The following SARAF variants were observed in gnomAD, a reference collection of about 807,000 sequenced individuals.
The protein encoded by SARAF is store-operated calcium entry-associated regulatory factor.
In SARAF, 23 loss-of-function variants were observed where a neutral mutation model predicts 39.7. The ratio of observed to expected loss-of-function variants is 0.58; its 90% confidence interval spans 0.42 to 0.82. The LOEUF is 0.82. Ranked by LOEUF, SARAF falls within the 40% of genes least tolerant of loss-of-function variation. The probability of loss-of-function intolerance (pLI) is 0.00; values close to 1 mark genes in which losing one functional copy is unlikely to be tolerated. For missense variants in SARAF, 384 were observed against 418.5 expected (o/e 0.92, Z 0.72); for synonymous variants, 175 against 168.5 (o/e 1.04, Z -0.30).
intron 5 of SARAF, 83 bp from the exon 6 acceptor site, chr8:30,063,996 T>C (rs900038294): frequency 2.3e-5 from 28 of 1,223,868 alleles, no homozygotes; most frequent in African/African-American, 1.1e-4. Flanking sequence ...TACATGTTTA[T>C]TGTCAGCAAA....
chr8:30,078,523 T>C (rs967128243), intron 1 of SARAF, among the ~76,000 whole-genome samples: 5 of 152,064 alleles, frequency 3.3e-5, no homozygotes, highest in African/African-American at 7.2e-5. Flanking sequence ...CTCAACAGGA[T>C]AGAAAAAGAA....
chr8:30,078,955 G>C lies in SARAF; in HGVS notation c.103+3892C>G, dbSNP rs141980319. Among the ~76,000 whole-genome samples, 526 of 152,070 alleles carry C rather than the reference G, an allele frequency of 3.5e-3. 3 individuals carry two copies. Among genetic ancestry groups the C allele is most frequent in the African/African-American group, 0.012 (495 of 41,504 alleles). ...GCAGATCACCTAAGGTCAGGAGTTC[G>C]AGATCAGCCTGGACAACATGGTGAA... On this transcript the variant is annotated intron_variant, in intron 1 of 5. Transcript: ENST00000256255.
At chr8:30,070,269 G>A (rs562874183) in intron 2 of SARAF, among the ~76,000 whole-genome samples, 137 of 152,164 alleles carry the variant, frequency 9.0e-4, no homozygotes, top group African/African-American at 3.2e-3. Context: ...TTAGCCAGGC[G>A]CAGTGGCAGG....
intron 1 of SARAF, among the ~76,000 whole-genome samples, chr8:30,079,861 G>C (rs910995311): frequency 1.3e-5 from 2 of 152,056 alleles, no homozygotes; most frequent in African/African-American, 4.8e-5. Flanking sequence ...GATTCTTAAG[G>C]TCCAAGAACA....
intron 5 of SARAF, among the ~76,000 whole-genome samples, chr8:30,064,554 TA>T (rs1438472742): frequency 0.023 from 378 of 16,462 alleles, 12 homozygotes; most frequent in East Asian, 0.03. Context: ...TATATATATA[TA>T]TATATATTTT....
intron 2 of SARAF, among the ~76,000 whole-genome samples, chr8:30,072,271 C>G (rs1288277226): frequency 2.0e-5 from 3 of 152,134 alleles, no homozygotes; most frequent in Non-Finnish European, 2.9e-5. Context: ...TTCAGATGCT[C>G]TGCCATTTTT....
At chr8:30,075,001 G>A (rs1250736695) in intron 1 of SARAF, among the ~76,000 whole-genome samples, 2 of 152,144 alleles carry the variant, frequency 1.3e-5, no homozygotes, top group East Asian at 3.9e-4. Context: ...GCATTCATGT[G>A]CAAAAATGAA....
intron 5 of SARAF, among the ~76,000 whole-genome samples, chr8:30,064,727 T>C (rs1397609257): frequency 1.3e-5 from 2 of 151,468 alleles, no homozygotes; most frequent in Non-Finnish European, 2.9e-5. Flanking sequence ...TACACCCAGC[T>C]AATTTTTGTA....
chr8:30,070,032 C>T lies in SARAF; in HGVS notation c.310G>A (p.Ala104Thr). Residue 104 changes from alanine to threonine, a missense_variant, in exon 3 of 6, where the codon GCA becomes ACA. Coordinates refer to ENST00000256255, the MANE Select transcript of SARAF (RefSeq NM_016127.6). Reference sequence around the variant, plus strand: ...ACCACAGTTTTTCCAAATTTGTATGCAATATCTAAGTCCGTCTTACATTCC... The same window carrying T: ...ACCACAGTTTTTCCAAATTTGTATGTAATATCTAAGTCCGTCTTACATTCC... Reference protein sequence around the residue: ...QWECKTDLDIAYKFGKTVVSC... With the variant: ...QWECKTDLDITYKFGKTVVSC... The T allele has an allele frequency of 6.2e-7, 1 of 1,611,494 alleles. No homozygotes were observed. The highest frequency in any genetic ancestry group is 8.5e-7 in the Non-Finnish European group (1 of 1,179,368).
intron 3 of SARAF, among the ~76,000 whole-genome samples, chr8:30,069,024 AC>A (rs1801761942): frequency 6.6e-6 from 1 of 152,094 alleles, no homozygotes; most frequent in Non-Finnish European, 1.5e-5. Flanking sequence ...GATTTATAAT[AC>A]TTAAAGAATT....
chr8:30,072,161 T>C (rs1179809420), intron 2 of SARAF, among the ~76,000 whole-genome samples: 1 of 152,246 alleles, frequency 6.6e-6, no homozygotes, highest in East Asian at 1.9e-4. Context: ...AAGTGGTATC[T>C]TACTGTGGCT....
Position 30,069,686 on chromosome 8 carries a change from T to C in SARAF, c.656A>G (p.Asn219Ser), listed in dbSNP as rs1051859550. 5 of 1,614,034 alleles carry C rather than the reference T, an allele frequency of 3.1e-6. No homozygotes were observed. Among genetic ancestry groups the C allele is most frequent in the East Asian group, 2.2e-5 (1 of 44,866 alleles). ...GCCTGGGGGAGGAGGTCCTGCTGAG[T>C]TGGTGAATCTCTGGTAACGGTGGGA... is the stretch of plus-strand genomic sequence containing the variant. ...PFSHRYQRFT[N>S]SAGPPPPGFK... Residue 219 changes from asparagine to serine, a missense_variant, in exon 3 of 6, where the codon AAC becomes AGC. By Grantham distance (46) the Asn-to-Ser change is conservative. Coordinates refer to ENST00000256255, the MANE Select transcript of SARAF (RefSeq NM_016127.6).
chr8:30,075,669 T>C (rs1022143525), intron 1 of SARAF, among the ~76,000 whole-genome samples: 2 of 152,114 alleles, frequency 1.3e-5, no homozygotes, highest in Admixed American at 6.5e-5. Flanking sequence ...ACATGAACAA[T>C]CTATTTTTCA....
At chr8:30,080,957 T>G (rs1006773014) in intron 1 of SARAF, among the ~76,000 whole-genome samples, 1 of 152,116 alleles carries the variant, frequency 6.6e-6, no homozygotes, top group African/African-American at 2.4e-5. Flanking sequence ...CTGACCAACA[T>G]GGAGAAACCC....
chr8:30,063,964 T>C lies in SARAF; in HGVS notation c.995-51A>G, dbSNP rs765741558. The C allele has an allele frequency of 4.9e-6, 7 of 1,438,510 alleles. No homozygotes were observed. The South Asian group carries it at 7.2e-5, about 15-fold the overall frequency. The allele number at this position is 1,438,510 out of a possible 1,614,324, so 89.1% of individuals were successfully genotyped here. A position where few individuals can be genotyped will look rare whatever the true frequency, so the allele number is the denominator to read the frequency against. On this transcript the variant is annotated intron_variant, in intron 5 of 5. Transcript: ENST00000256255. Reference sequence around the variant, plus strand: ...ATTAGTTTTTAAAAATGCATTAGAATTGCTTATAAAATTACAAGTCATACA... The same window carrying C: ...ATTAGTTTTTAAAAATGCATTAGAACTGCTTATAAAATTACAAGTCATACA...
In SARAF at chr8:30,063,939, A is replaced by G. The variant is rs763653732; in HGVS notation, c.995-26T>C. The G allele has an allele frequency of 4.6e-6, 7 of 1,519,690 alleles. No homozygotes were observed. The East Asian group carries it at 6.7e-5, about 15-fold the overall frequency. 94.1% of individuals were successfully genotyped at this position (1,519,690 alleles called of 1,614,324 possible). On this transcript the variant is annotated intron_variant, in intron 5 of 5. Transcript: ENST00000256255. ...CTAGAATGAGAGGGGTAAAATTTACATTAGTTTTTAAAAATGCATTAGAAT... is the reference window on the plus strand; with the variant it reads ...CTAGAATGAGAGGGGTAAAATTTACGTTAGTTTTTAAAAATGCATTAGAAT...
intron 4 of SARAF, among the ~76,000 whole-genome samples, chr8:30,066,356 CTT>C (rs2117420893): frequency 6.6e-6 from 1 of 152,326 alleles, no homozygotes; most frequent in Non-Finnish European, 1.5e-5. Context: ...AGTCAATGCT[CTT>C]TCTGAATTTG....
rs1319036441 is a variant in SARAF at position 30,064,547 on chromosome 8, A to ATTTTTTTTTTTTTTTTTTTTTTTT, written c.995-635_995-634insAAAAAAAAAAAAAAAAAAAAAAAA. On this transcript the variant is annotated intron_variant, in intron 5 of 5. Coordinates refer to ENST00000256255, the MANE Select transcript of SARAF (RefSeq NM_016127.6). ...GTCTTACCTAGCCATATATATATAT[A>ATTTTTTTTTTTTTTTTTTTTTTTT]TATATATATATATATTTTTTTTTTT... Among the ~76,000 whole-genome samples, 2 of 37,012 alleles carry ATTTTTTTTTTTTTTTTTTTTTTTT rather than the reference A, an allele frequency of 5.4e-5. 1 individual carries two copies. 24.3% of individuals were successfully genotyped at this position (37,012 alleles called of 152,430 possible).
chr8:30,069,305 A>G (rs751407994), intron 3 of SARAF, among the ~76,000 whole-genome samples: 1 of 151,724 alleles, frequency 6.6e-6, no homozygotes, highest in Non-Finnish European at 1.5e-5. Context: ...ACACCCGGCT[A>G]ATTTTTGTAT....
Sources: gnomAD v4.1 joint callset for allele counts (sites outside exome capture counted in the v4.1 genomes callset) on GRCh38, gnomAD v4.1.1 for gene constraint, MANE v1.5 for transcripts, NCBI Gene and HGNC (gene_info 2026-07-23, HGNC 2026-07-21) for gene names.